MGAT4C: variants seen among roughly 807,000 people sequenced by gnomAD.
The protein encoded by MGAT4C is MGAT4 family member C.
Under a neutral mutation model 40.1 loss-of-function variants are expected in MGAT4C, and 19 were observed. The ratio of observed to expected loss-of-function variants is 0.47; its 90% CI spans 0.33 to 0.70. The LOEUF is 0.70. Ranked by LOEUF, MGAT4C falls within the 30% of genes least tolerant of loss-of-function variation. The probability of loss-of-function intolerance (pLI) is 0.02; values close to 1 mark genes in which losing one functional copy is unlikely to be tolerated. For synonymous variants in MGAT4C, 181 were observed against 187.1 expected (o/e 0.97, Z 0.27); for missense variants, 491 against 563.2 (o/e 0.87, Z 1.30).
intron 2 of MGAT4C, among the ~76,000 whole-genome samples, chr12:86,449,319 T>A (rs1166211130): frequency 6.6e-6 from 1 of 152,180 alleles, no homozygotes; most frequent in Admixed American, 6.6e-5. Flanking sequence ...TAAAGAAGTT[T>A]TATTTAGATA....
intron 2 of MGAT4C, among the ~76,000 whole-genome samples, chr12:86,634,940 A>G (rs1183920704): frequency 6.6e-6 from 1 of 152,188 alleles, no homozygotes; most frequent in Non-Finnish European, 1.5e-5. Context: ...TGTCCCACAC[A>G]CAAAGATTAA....
At chr12:86,712,868 G>A (rs925296747) in intron 2 of MGAT4C, among the ~76,000 whole-genome samples, 12 of 152,012 alleles carry the variant, frequency 7.9e-5, no homozygotes, top group South Asian at 2.1e-4. Context: ...AATACCTATC[G>A]ATTTATAACA....
At chr12:86,426,125 T>C (rs1956920737) in intron 3 of MGAT4C, among the ~76,000 whole-genome samples, 1 of 152,212 alleles carries the variant, frequency 6.6e-6, no homozygotes, top group African/African-American at 2.4e-5. Flanking sequence ...TTGCAGTCAT[T>C]CAAATAGGCA....
chr12:86,598,854 T>C (rs1051292051), intron 2 of MGAT4C, among the ~76,000 whole-genome samples: 2 of 152,160 alleles, frequency 1.3e-5, no homozygotes, highest in African/African-American at 4.8e-5. Context: ...TTGCTGATAT[T>C]CACATATATT....
chr12:86,704,578 CA>C (rs1331737664), intron 2 of MGAT4C, among the ~76,000 whole-genome samples: 5 of 151,960 alleles, frequency 3.3e-5, no homozygotes, highest in Non-Finnish European at 7.4e-5. Context: ...GAAAGAAGGA[CA>C]AAAAGTCAAG....
At chr12:86,252,162 T>C (rs1215872521) in intron 1 of MGAT4C, among the ~76,000 whole-genome samples, 1 of 152,056 alleles carries the variant, frequency 6.6e-6, no homozygotes, top group Non-Finnish European at 1.5e-5. Context: ...CATTCGTTTG[T>C]CATAGCTTCA....
chr12:86,439,018 C>CA (rs1259797108), intron 2 of MGAT4C, among the ~76,000 whole-genome samples: 1 of 151,870 alleles, frequency 6.6e-6, no homozygotes, highest in African/African-American at 2.4e-5. Context: ...AACACCAACA[C>CA]AATGATAGAA....
At chr12:86,201,790 C>T (rs1950061360) in intron 1 of MGAT4C, among the ~76,000 whole-genome samples, 1 of 151,896 alleles carries the variant, frequency 6.6e-6, no homozygotes, top group African/African-American at 2.4e-5. Context: ...TCCATGAAAA[C>T]TATTTGTCTT....
At chr12:86,150,499 T>A (rs1264734758) in intron 1 of MGAT4C, among the ~76,000 whole-genome samples, 2 of 152,190 alleles carry the variant, frequency 1.3e-5, no homozygotes. Flanking sequence ...CATACATGCT[T>A]TTTGCAAGCT....
intron 2 of MGAT4C, among the ~76,000 whole-genome samples, chr12:86,488,913 G>T (rs900559103): frequency 6.6e-6 from 1 of 152,092 alleles, no homozygotes; most frequent in Non-Finnish European, 1.5e-5. Context: ...GAAATTCTGG[G>T]CAGACAGAGG....
intron 1 of MGAT4C, among the ~76,000 whole-genome samples, chr12:86,211,366 T>C (rs2135959064): frequency 8.4e-6 from 1 of 119,644 alleles, no homozygotes; most frequent in South Asian, 3.0e-4. Flanking sequence ...ATCAAGACCA[T>C]CCTGGCTAAC....
chr12:86,273,526 A>G (rs928916584), intron 4 of MGAT4C, among the ~76,000 whole-genome samples: 1 of 152,200 alleles, frequency 6.6e-6, no homozygotes, highest in African/African-American at 2.4e-5. Context: ...TTAATTTTAA[A>G]TCTGCATGCA....
intron 3 of MGAT4C, among the ~76,000 whole-genome samples, chr12:86,358,725 AAAG>A (rs531746538): frequency 7.3e-4 from 111 of 152,346 alleles, no homozygotes; most frequent in African/African-American, 2.6e-3. Context: ...CAAAAGAGAC[AAAG>A]AAGGCCATTG....
At chr12:86,370,980 T>C (rs1158775752) in intron 3 of MGAT4C, among the ~76,000 whole-genome samples, 1 of 152,052 alleles carries the variant, frequency 6.6e-6, no homozygotes, top group Non-Finnish European at 1.5e-5. Context: ...GGTTGCTATA[T>C]GTATAGGAGC....
At chr12:86,552,539 AC>A (rs912453917) in intron 2 of MGAT4C, among the ~76,000 whole-genome samples, 3 of 152,156 alleles carry the variant, frequency 2.0e-5, no homozygotes, top group African/African-American at 7.2e-5. Context: ...TTTTCTGAAC[AC>A]AAAGAAATAA....
chr12:86,770,288 T>C (rs1951607592), intron 1 of MGAT4C, among the ~76,000 whole-genome samples: 2 of 152,098 alleles, frequency 1.3e-5, no homozygotes, highest in Non-Finnish European at 2.9e-5. Context: ...CAAATTTATA[T>C]GAATGCAGAC....
chr12:86,237,266 A>G (rs1011174849), intron 1 of MGAT4C, among the ~76,000 whole-genome samples: 2 of 151,710 alleles, frequency 1.3e-5, no homozygotes, highest in Non-Finnish European at 3.0e-5. Flanking sequence ...TCCTAGCTCT[A>G]TTATTCACTA....
chr12:86,757,136 T>C (rs1041261405), intron 1 of MGAT4C, among the ~76,000 whole-genome samples: 5 of 151,192 alleles, frequency 3.3e-5, no homozygotes, highest in African/African-American at 7.3e-5. Context: ...AAACACTGCA[T>C]GTTCTCACTC....
At chr12:86,249,802 G>A (rs1952191556) in intron 1 of MGAT4C, among the ~76,000 whole-genome samples, 1 of 152,012 alleles carries the variant, frequency 6.6e-6, no homozygotes, top group Non-Finnish European at 1.5e-5. Context: ...ACCTGTACCT[G>A]AAAAAGTCTC....
Sources: gnomAD v4.1 joint callset for allele counts (sites outside exome capture counted in the v4.1 genomes callset) on GRCh38, gnomAD v4.1.1 for gene constraint, MANE v1.5 for transcripts, NCBI Gene and HGNC (gene_info 2026-07-23, HGNC 2026-07-21) for gene names.